RASEF: variants seen among roughly 807,000 people sequenced by gnomAD.
The protein encoded by RASEF is ras and EF-hand domain-containing protein.
Under a neutral mutation model 90.1 loss-of-function variants are expected in RASEF, and 68 were observed. That is an observed-to-expected ratio of 0.75 (90% CI 0.62 to 0.92). RASEF has a LOEUF of 0.92. Ranked by LOEUF, RASEF falls within the 40% of genes least tolerant of loss-of-function variation. RASEF has a pLI of 0.00. For missense variants in RASEF, 949 were observed against 937.2 expected, an observed-to-expected ratio of 1.01 and a Z score of -0.16; for synonymous variants, 331 against 345.2, an observed-to-expected ratio of 0.96 and a Z score of 0.46.
Position 83,000,877 on chromosome 9 carries a change from A to C in RASEF, c.1437+19T>G. The C allele has an allele frequency of 6.3e-7, 1 of 1,584,408 alleles. No homozygotes were observed. The highest frequency in any genetic ancestry group is 8.7e-7 in the Non-Finnish European group (1 of 1,153,080). On this transcript the variant is annotated intron_variant, in intron 10 of 16. Coordinates refer to ENST00000376447, the MANE Select transcript of RASEF (RefSeq NM_152573.4). ...AATCACGTAGAAGGCCTAGGAGAGC[A>C]GTGGTTTCTGGGGCTTACATCTGTG...
In RASEF at chr9:83,062,603, C is replaced by G. The variant is rs759589995; in HGVS notation, c.265G>C (p.Ala89Pro). 7 of 1,567,250 alleles carry G rather than the reference C, an allele frequency of 4.5e-6. No individual in the cohort carries two copies. In the South Asian group the frequency reaches 8.0e-5, roughly 18 times the overall value. Residue 89 changes from alanine to proline, a missense_variant, in exon 1 of 17, where the codon GCG (alanine) becomes CCG (proline). Coordinates refer to ENST00000376447, the MANE Select transcript of RASEF (RefSeq NM_152573.4). ...GGCCCCGCCTCAGACACGGCGGGCGCGGGATCCAGAGGACCCCAGTCCCGG... is the reference window on the plus strand; with the variant it reads ...GGCCCCGCCTCAGACACGGCGGGCGGGGGATCCAGAGGACCCCAGTCCCGG... ...RRRDWGPLDP[A>P]PAVSEAGPET...
chr9:83,123,237 C>CAAAAAAAAAAAAA, the RASEF span, among the ~76,000 whole-genome samples: 2 of 83,428 alleles, frequency 2.4e-5, 1 homozygote, highest in African/African-American at 9.2e-5. Context: ...GAGACTCCAT[C>CAAAAAAAAAAAAA]AAAAAAAAAA....
At chr9:83,019,906 T>C (rs1201948995) in intron 3 of RASEF, among the ~76,000 whole-genome samples, 1 of 152,140 alleles carries the variant, frequency 6.6e-6, no homozygotes, top group African/African-American at 2.4e-5. Context: ...AATGATTATC[T>C]GGCAAAAAGG....
the RASEF span, among the ~76,000 whole-genome samples, chr9:83,152,482 A>G: frequency 2.0e-5 from 3 of 152,182 alleles, no homozygotes; most frequent in African/African-American, 2.4e-5. Flanking sequence ...AAGGTGAGTT[A>G]GGATTTGATA....
chr9:83,082,194 C>T, the RASEF span, among the ~76,000 whole-genome samples: 3 of 152,130 alleles, frequency 2.0e-5, no homozygotes, highest in Non-Finnish European at 2.9e-5. Context: ...GCCAATAATC[C>T]GTACTTAGGA....
the RASEF span, among the ~76,000 whole-genome samples, chr9:83,088,302 T>C: frequency 6.6e-6 from 1 of 151,988 alleles, no homozygotes; most frequent in Non-Finnish European, 1.5e-5. Flanking sequence ...TCTCTCTCTA[T>C]ATTTATATAT....
At chr9:83,216,391 T>A in the RASEF span, among the ~76,000 whole-genome samples, 1 of 152,138 alleles carries the variant, frequency 6.6e-6, no homozygotes, top group African/African-American at 2.4e-5. Context: ...TGGTGCCCTG[T>A]GTCCCAGCTG....
the RASEF span, among the ~76,000 whole-genome samples, chr9:83,082,932 T>A: frequency 6.6e-6 from 1 of 152,142 alleles, no homozygotes; most frequent in Non-Finnish European, 1.5e-5. Flanking sequence ...TAATATAAGA[T>A]CATGCGCCCA....
At chr9:83,187,450 A>G in the RASEF span, among the ~76,000 whole-genome samples, 39 of 152,184 alleles carry the variant, frequency 2.6e-4, no homozygotes, top group African/African-American at 8.2e-4. Flanking sequence ...GGTTGGGGCT[A>G]CTGGGGCCAC....
the RASEF span, among the ~76,000 whole-genome samples, chr9:83,141,010 G>A: frequency 6.6e-6 from 1 of 151,974 alleles, no homozygotes; most frequent in African/African-American, 2.4e-5. Flanking sequence ...GGGTGTGGTG[G>A]TGCACACCTG....
the RASEF span, among the ~76,000 whole-genome samples, chr9:83,125,436 C>G: frequency 6.6e-6 from 1 of 152,156 alleles, no homozygotes; most frequent in African/African-American, 2.4e-5. Context: ...TTAAGCCATT[C>G]GGAATATGGC....
the RASEF span, among the ~76,000 whole-genome samples, chr9:83,176,438 G>T: frequency 6.6e-6 from 1 of 151,884 alleles, no homozygotes; most frequent in Non-Finnish European, 1.5e-5. Context: ...TATCCTATCT[G>T]AAAATCTCTG....
the RASEF span, among the ~76,000 whole-genome samples, chr9:83,157,544 C>T: frequency 9.5e-6 from 1 of 105,308 alleles, no homozygotes; most frequent in African/African-American, 2.9e-5. Flanking sequence ...TTTGGACTTC[C>T]CAGCCTCTAG....
the RASEF span, among the ~76,000 whole-genome samples, chr9:83,090,130 G>T: frequency 6.6e-6 from 1 of 152,042 alleles, no homozygotes; most frequent in Admixed American, 6.5e-5. Context: ...ATGCTGTTGA[G>T]CCCCTCTAGT....
intron 1 of RASEF, chr9:83,055,584 A>T (rs1218102917): frequency 4.2e-6 from 3 of 711,512 alleles, no homozygotes; most frequent in Non-Finnish European, 2.6e-6. Flanking sequence ...CGATTGTCCA[A>T]AGTGTTTCTC....
At chr9:83,017,412 A>T (rs1286182738) in intron 3 of RASEF, among the ~76,000 whole-genome samples, 2 of 151,876 alleles carry the variant, frequency 1.3e-5, no homozygotes, top group African/African-American at 4.8e-5. Flanking sequence ...AGGCAGGAGA[A>T]TGGCGTGAAC....
the RASEF span, among the ~76,000 whole-genome samples, chr9:83,213,756 G>A: frequency 2.0e-5 from 3 of 152,110 alleles, no homozygotes; most frequent in African/African-American, 7.2e-5. Flanking sequence ...CCGAGTATAT[G>A]GTAGAACCTC....
At chr9:83,025,664 G>C (rs1829531116) in intron 2 of RASEF, 111 bp downstream of exon 2, 2 of 1,097,278 alleles carry the variant, frequency 1.8e-6, no homozygotes, top group African/African-American at 3.2e-5. Flanking sequence ...CTCAGGCTCA[G>C]GAAGTCCACC....
chr9:83,113,260 A>G, the RASEF span, among the ~76,000 whole-genome samples: 1 of 152,160 alleles, frequency 6.6e-6, no homozygotes, highest in African/African-American at 2.4e-5. Flanking sequence ...ATGGACATTT[A>G]TCACTTCCCT....
Sources: allele counts gnomAD v4.1 joint callset (sites outside exome capture counted in the v4.1 genomes callset), GRCh38; gene constraint gnomAD v4.1.1; transcripts MANE v1.5; gene names NCBI Gene and HGNC (gene_info 2026-07-23, HGNC 2026-07-21).